TBC1D19: variants seen among roughly 807,000 people sequenced by gnomAD.
TBC1D19 encodes the protein TBC1 domain family member 19.
Under a neutral mutation model 89.0 loss-of-function variants are expected in TBC1D19, and 60 were observed. That is an observed-to-expected ratio of 0.67 (90% CI 0.55 to 0.84). The LOEUF (loss-of-function observed/expected upper bound fraction) is 0.84, where lower values mean the gene tolerates loss of function less well. Among genes scored for constraint, TBC1D19 ranks in the 40% least tolerant of loss-of-function variants. The pLI is 0.00. For synonymous variants in TBC1D19, 189 were observed against 199.7 expected, an observed-to-expected ratio of 0.95 and a Z score of 0.45; for missense variants, 500 against 610.8, an observed-to-expected ratio of 0.82 and a Z score of 1.91.
chr4:26,612,332 T>C (rs571642450), intron 1 of TBC1D19, among the ~76,000 whole-genome samples: 3 of 151,892 alleles, frequency 2.0e-5, no homozygotes, highest in African/African-American at 4.8e-5. Flanking sequence ...TAGTGTGGAA[T>C]TGAGAATAAA....
intron 3 of TBC1D19, among the ~76,000 whole-genome samples, chr4:26,618,720 C>T (rs1017439816): frequency 1.3e-5 from 2 of 152,210 alleles, no homozygotes; most frequent in African/African-American, 2.4e-5. Context: ...ATAAGGAAGA[C>T]ATCACTTCTG....
Position 26,611,029 on chromosome 4 carries a change from T to C in TBC1D19, c.100-2140T>C, listed in dbSNP as rs1230346742. ...GTTCTTTGAGAAATCTTCAAACTGC[T>C]TTCCCCAATGGCTGAACTAATTTAC... On this transcript the variant is annotated intron_variant, in intron 1 of 20. Coordinates refer to ENST00000264866, the MANE Select transcript of TBC1D19 (RefSeq NM_018317.4). 3.3e-5 allele frequency among the ~76,000 whole-genome samples: 5 copies of C among 152,162 alleles called. No homozygotes were observed. In the East Asian group the frequency reaches 9.6e-4, roughly 29 times the overall value.
At chr4:26,853,478 A>G in the TBC1D19 span, among the ~76,000 whole-genome samples, 1 of 152,210 alleles carries the variant, frequency 6.6e-6, no homozygotes. Context: ...GTCACATAGT[A>G]GCGGGCCCAA....
intron 3 of TBC1D19, among the ~76,000 whole-genome samples, chr4:26,616,056 A>AT (rs912292867): frequency 1.5e-4 from 22 of 151,604 alleles, no homozygotes; most frequent in African/African-American, 5.3e-4. Flanking sequence ...ACTCGTTGGG[A>AT]TTTTTTTTTA....
chr4:26,739,487 G>A (rs1718225536), intron 16 of TBC1D19, among the ~76,000 whole-genome samples: 1 of 151,928 alleles, frequency 6.6e-6, no homozygotes, highest in Non-Finnish European at 1.5e-5. Flanking sequence ...GTGAGAGAAA[G>A]TAAAAATAAG....
At chr4:26,663,845 T>G (rs1711556488) in intron 8 of TBC1D19, among the ~76,000 whole-genome samples, 3 of 152,212 alleles carry the variant, frequency 2.0e-5, no homozygotes, top group African/African-American at 7.2e-5. Flanking sequence ...CCTGTGATCC[T>G]GTAATGGATA....
chr4:26,827,421 A>G, the TBC1D19 span, among the ~76,000 whole-genome samples: 2 of 152,186 alleles, frequency 1.3e-5, no homozygotes, highest in South Asian at 4.1e-4. Flanking sequence ...CCTGGCCAAC[A>G]TGGAGAAACC....
intron 13 of TBC1D19, among the ~76,000 whole-genome samples, chr4:26,712,768 A>G (rs1716288725): frequency 6.6e-6 from 1 of 152,014 alleles, no homozygotes; most frequent in Non-Finnish European, 1.5e-5. Flanking sequence ...GGTATATACA[A>G]AGAGACCAAA....
At chr4:26,753,292 A>T (rs899494518) in intron 19 of TBC1D19, among the ~76,000 whole-genome samples, 4 of 152,210 alleles carry the variant, frequency 2.6e-5, no homozygotes, top group Non-Finnish European at 5.9e-5. Context: ...TCTGTCTACT[A>T]TATTAGTAAG....
chr4:26,839,730 T>C, the TBC1D19 span, among the ~76,000 whole-genome samples: 2 of 152,360 alleles, frequency 1.3e-5, no homozygotes, highest in African/African-American at 4.8e-5. Flanking sequence ...TCACCAATGC[T>C]TTCCTCCTTG....
At chr4:26,707,805 A>G (rs1715855301) in intron 13 of TBC1D19, among the ~76,000 whole-genome samples, 1 of 152,048 alleles carries the variant, frequency 6.6e-6, no homozygotes, top group South Asian at 2.1e-4. Context: ...ATTTAACTTT[A>G]GTAACATACA....
At chr4:26,632,474 T>C (rs931959065) in intron 4 of TBC1D19, among the ~76,000 whole-genome samples, 1 of 151,936 alleles carries the variant, frequency 6.6e-6, no homozygotes, top group South Asian at 2.1e-4. Context: ...TGGGAGTAGA[T>C]CATCATAAAT....
intron 3 of TBC1D19, among the ~76,000 whole-genome samples, chr4:26,618,940 G>A (rs1047593601): frequency 6.6e-6 from 1 of 152,114 alleles, no homozygotes; most frequent in East Asian, 1.9e-4. Context: ...TTCCTATCTG[G>A]CAACTCTTAT....
At chr4:26,621,367 C>T (rs958897598) in intron 4 of TBC1D19, among the ~76,000 whole-genome samples, 1 of 152,154 alleles carries the variant, frequency 6.6e-6, no homozygotes, top group African/African-American at 2.4e-5. Context: ...TTGAGTAGGA[C>T]TCTGTGACTG....
chr4:26,683,524 T>A (rs1713540455), intron 11 of TBC1D19, 151 bp from the exon 12 acceptor site: 1 of 526,150 alleles, frequency 1.9e-6, no homozygotes. Flanking sequence ...TTGTTGAACA[T>A]CTACTATTAG....
the TBC1D19 span, among the ~76,000 whole-genome samples, chr4:26,771,059 A>C: frequency 4.6e-5 from 7 of 152,198 alleles, no homozygotes; most frequent in Admixed American, 1.3e-4. Flanking sequence ...AAAAAACTAA[A>C]AGACATACAA....
the TBC1D19 span, among the ~76,000 whole-genome samples, chr4:26,785,585 T>C: frequency 6.6e-6 from 1 of 152,216 alleles, no homozygotes; most frequent in South Asian, 2.1e-4. Context: ...CATAGTACAG[T>C]GTGGCAAAAA....
chr4:26,732,668 T>C (rs1717738008), intron 15 of TBC1D19, among the ~76,000 whole-genome samples: 1 of 152,208 alleles, frequency 6.6e-6, no homozygotes, highest in South Asian at 2.1e-4. Flanking sequence ...TCCCATATTA[T>C]TCTTTGTTGT....
At chr4:26,680,334 A>G (rs767482150) in intron 11 of TBC1D19, among the ~76,000 whole-genome samples, 69 of 152,084 alleles carry the variant, frequency 4.5e-4, no homozygotes, top group Non-Finnish European at 8.4e-4. Flanking sequence ...TCTTTACCCT[A>G]TGTTTGTACA....
Sources: allele counts gnomAD v4.1 joint callset (sites outside exome capture counted in the v4.1 genomes callset), GRCh38; gene constraint gnomAD v4.1.1; transcripts MANE v1.5; gene names NCBI Gene and HGNC (gene_info 2026-07-23, HGNC 2026-07-21).